ARHGAP35: variants seen among roughly 807,000 people sequenced by gnomAD.
ARHGAP35 encodes rho GTPase-activating protein 35.
In ARHGAP35, 15 loss-of-function variants were observed where a neutral mutation model predicts 111.1. The ratio of observed to expected loss-of-function variants is 0.13; its 90% CI spans 0.09 to 0.21. The LOEUF (loss-of-function observed/expected upper bound fraction) is 0.21, where lower values mean the gene tolerates loss of function less well. Among genes scored for constraint, ARHGAP35 ranks in the 10% least tolerant of loss-of-function variants. The pLI is 1.00. For synonymous variants in ARHGAP35, 643 were observed against 710.3 expected, an observed-to-expected ratio of 0.91 and a Z score of 1.51; for missense variants, 1,262 against 1,873.0, an observed-to-expected ratio of 0.67 and a Z score of 6.02.
rs112300759 is a variant in ARHGAP35, at chr19:46,880,088, AAAATAAAT to A, written c.-189+18904_-189+18911del. 4.5e-4 allele frequency among the ~76,000 whole-genome samples: 69 copies of A among 151,704 alleles called. 2 individuals carry two copies. The highest frequency in any genetic ancestry group is 1.1e-3 in the African/African-American group (45 of 41,312). ...GTGATGAGGCAAGACAATGTCTCAA[AAAATAAAT>A]AAATAAATAAATAAATAAATAAATC... On this transcript the variant is annotated intron_variant, in intron 1 of 6. Coordinates refer to ENST00000672722, the MANE Select transcript of ARHGAP35 (RefSeq NM_004491.5).
chr19:46,867,848 C>T (rs1246045420), intron 1 of ARHGAP35, among the ~76,000 whole-genome samples: 4 of 151,870 alleles, frequency 2.6e-5, no homozygotes, highest in Non-Finnish European at 2.9e-5. Context: ...AGGGCATGCT[C>T]TCCTGGTCAG....
intron 1 of ARHGAP35, among the ~76,000 whole-genome samples, chr19:46,917,860 C>T (rs529197960): frequency 2.0e-4 from 31 of 152,084 alleles, no homozygotes; most frequent in South Asian, 8.3e-4. Flanking sequence ...ATTACAGGCA[C>T]ATGTCACCAC....
intron 1 of ARHGAP35, among the ~76,000 whole-genome samples, chr19:46,878,211 C>T (rs773436642): frequency 2.6e-5 from 4 of 152,004 alleles, no homozygotes; most frequent in African/African-American, 4.8e-5. Flanking sequence ...TTAGTAAAAA[C>T]GGGATTTCTC....
rs753207536 is a variant in ARHGAP35, at chr19:46,922,086, A to G, written c.3411A>G (p.Glu1137=). 1.7e-5 allele frequency: 27 copies of G among 1,613,988 alleles called. No homozygotes were observed. The South Asian group carries it at 2.6e-4, about 16-fold the overall frequency. ...GCAGCGGGAATGGTTCTGACAGTGA[A>G]ATGGACACCAGCTCTCTAGAGCGAG... ...SNGSGNGSDS[E]MDTSSLERGR... The change falls in exon 2 of 7, where the codon GAA becomes GAG. Residue 1137 remains glutamate, a synonymous_variant. Transcript: ENST00000672722. The surrounding 1 kb of genome is among the most constrained non-coding windows in gnomAD (Gnocchi z 4.0).
intron 3 of ARHGAP35, among the ~76,000 whole-genome samples, chr19:46,964,984 G>A (rs73567960): frequency 6.6e-6 from 1 of 152,254 alleles, no homozygotes; most frequent in South Asian, 2.1e-4. Context: ...TATATTTTGT[G>A]ACAATTACTT....
chr19:46,894,371 G>A (rs1337812662), intron 1 of ARHGAP35, among the ~76,000 whole-genome samples: 1 of 151,652 alleles, frequency 6.6e-6, no homozygotes, highest in Admixed American at 6.6e-5. Context: ...TCATTCCTTG[G>A]AGCAGTTTTT....
In ARHGAP35 at chr19:47,000,761, C is replaced by A; in HGVS notation, c.*73C>A. 1 of 1,530,002 alleles carries A rather than the reference C, an allele frequency of 6.5e-7. No individual in the cohort carries two copies. Among genetic ancestry groups the A allele is most frequent in the South Asian group, 1.2e-5 (1 of 80,678 alleles). The allele number at this position is 1,530,002 out of a possible 1,614,324, so 94.8% of individuals were successfully genotyped here. On this transcript the variant is annotated 3_prime_UTR_variant, in exon 7 of 7. Coordinates refer to ENST00000672722, the MANE Select transcript of ARHGAP35 (RefSeq NM_004491.5). This position sits in a 1 kb window ranked among gnomAD's most constrained non-coding sequence, Gnocchi z 6.9. ...GGTGGCATTTGGCCTTGAACAAAAC[C>A]AAGTCCACTGGGGACAGAGGCAGGG... is the stretch of plus-strand genomic sequence containing the variant.
At chr19:46,950,480 T>C (rs983523207) in intron 3 of ARHGAP35, among the ~76,000 whole-genome samples, 15 of 152,270 alleles carry the variant, frequency 9.9e-5, no homozygotes, top group African/African-American at 3.6e-4. Context: ...TTTAGCATGT[T>C]GGACACAATG....
At chr19:46,924,352 C>T (rs1432251255) in intron 2 of ARHGAP35, among the ~76,000 whole-genome samples, 1 of 152,214 alleles carries the variant, frequency 6.6e-6, no homozygotes. Context: ...ATTGCATCCA[C>T]TTTGTGCTAC....
chr19:46,923,454 AGTCT>A lies in ARHGAP35; in HGVS notation c.3681+1100_3681+1103del, dbSNP rs1177107039. On this transcript the variant is annotated intron_variant, in intron 2 of 6. Transcript: ENST00000672722. ...TATCCTGCGTAGAATTGTAGTTTGT[AGTCT>A]GCAGGGCAGAGAGCTGTAAGCAGTA... Among the ~76,000 whole-genome samples the A allele has an allele frequency of 2.0e-5, 3 of 151,816 alleles. No homozygotes were observed. In the East Asian group the frequency reaches 5.8e-4, roughly 29 times the overall value.
chr19:46,891,910 G>A (rs954571415), intron 1 of ARHGAP35, among the ~76,000 whole-genome samples: 1 of 152,034 alleles, frequency 6.6e-6, no homozygotes, highest in African/African-American at 2.4e-5. Context: ...GGAAGCCGAG[G>A]CAGGCAGATT....
rs183194904 is a variant in ARHGAP35 at position 46,901,044 on chromosome 19, A to G, written c.-188-17444A>G. On this transcript the variant is annotated intron_variant, in intron 1 of 6. Transcript: ENST00000672722. This position sits in a 1 kb window ranked among gnomAD's most constrained non-coding sequence, Gnocchi z 4.5. ...AGAATTTAAGTTCCATGAGGCAGGC[A>G]TCTTTGTCTCTTTTGTTCATTGCTG... is the stretch of plus-strand genomic sequence containing the variant. Among the ~76,000 whole-genome samples the G allele has an allele frequency of 9.8e-5, 15 of 152,356 alleles. No homozygotes were observed. Among genetic ancestry groups the G allele is most frequent in the Non-Finnish European group, 1.8e-4 (12 of 68,036 alleles).
Position 46,920,804 on chromosome 19 carries a change from G to A in ARHGAP35, c.2129G>A (p.Ser710Asn). Residue 710 changes from serine (S) to asparagine (N), a missense_variant, in exon 2 of 7, where the codon AGT (serine) becomes AAT (asparagine). This residue lies in a region of ARHGAP35 where 579 missense variants were observed against 716.9 expected (regional missense o/e 0.81). Coordinates refer to ENST00000672722, the MANE Select transcript of ARHGAP35 (RefSeq NM_004491.5). The surrounding 1 kb of genome is among the most constrained non-coding windows in gnomAD (Gnocchi z 7.0). ...LILVNKRGDT[S>N]GETLHSLIQQ... ...TTGGTTAACAAGAGAGGAGACACCAGTGGAGAGACTCTGCATAGCTTAATA... is the reference window on the plus strand; with the variant it reads ...TTGGTTAACAAGAGAGGAGACACCAATGGAGAGACTCTGCATAGCTTAATA... 1 of 1,611,180 alleles carries A rather than the reference G, an allele frequency of 6.2e-7. No homozygotes were observed. Among genetic ancestry groups the A allele is most frequent in the Non-Finnish European group, 8.5e-7 (1 of 1,178,460 alleles).
chr19:46,924,264 T>G (rs2056225681), intron 2 of ARHGAP35, among the ~76,000 whole-genome samples: 1 of 152,114 alleles, frequency 6.6e-6, no homozygotes, highest in Admixed American at 6.5e-5. Flanking sequence ...TGTTGTAAAA[T>G]GTAATACAGA....
At chr19:46,961,036 C>T (rs763895740) in intron 3 of ARHGAP35, among the ~76,000 whole-genome samples, 1 of 151,666 alleles carries the variant, frequency 6.6e-6, no homozygotes, top group African/African-American at 2.4e-5. Context: ...CTGGGATTAC[C>T]GGCGCCTGCC....
At chr19:46,954,142 T>G (rs2056426794) in intron 3 of ARHGAP35, among the ~76,000 whole-genome samples, 1 of 152,144 alleles carries the variant, frequency 6.6e-6, no homozygotes, top group Admixed American at 6.5e-5. Flanking sequence ...AGAAACCAAA[T>G]AGGCTGGCCC....
chr19:46,975,893 G>A (rs2056577074), intron 3 of ARHGAP35, among the ~76,000 whole-genome samples: 1 of 152,178 alleles, frequency 6.6e-6, no homozygotes, highest in Admixed American at 6.5e-5. Context: ...CTATTTCCCT[G>A]CAGTCAGCCT....
intron 3 of ARHGAP35, among the ~76,000 whole-genome samples, chr19:46,979,355 C>T (rs900474492): frequency 6.6e-6 from 1 of 152,114 alleles, no homozygotes. Flanking sequence ...TGTTCACTCC[C>T]GTTTTGCAGA....
chr19:46,874,229 C>T (rs1325513853), intron 1 of ARHGAP35, among the ~76,000 whole-genome samples: 2 of 152,108 alleles, frequency 1.3e-5, no homozygotes, highest in Non-Finnish European at 2.9e-5. Context: ...ACAAAACATG[C>T]CTCTTCCTCT....
Sources: gnomAD v4.1 joint callset for allele counts (sites outside exome capture counted in the v4.1 genomes callset) on GRCh38, gnomAD v4.1.1 for gene constraint, gnomAD v4.1.1 regional missense constraint, Gnocchi (gnomAD v3.1) non-coding constraint, MANE v1.5 for transcripts, NCBI Gene and HGNC (gene_info 2026-07-23, HGNC 2026-07-21) for gene names.